MTOR: variants seen among roughly 807,000 people sequenced by gnomAD.
The protein encoded by MTOR is serine/threonine-protein kinase mTOR.
MTOR carries 70 observed loss-of-function variants against 319.8 expected under a neutral mutation model. The ratio of observed to expected loss-of-function variants is 0.22; its 90% CI spans 0.18 to 0.27. MTOR has a LOEUF of 0.27. Among genes scored for constraint, MTOR ranks in the 10% least tolerant of loss-of-function variants. MTOR has a pLI of 1.00. For synonymous variants in MTOR, 1,183 were observed against 1,211.4 expected (o/e 0.98, Z 0.49); for missense variants, 1,890 against 3,274.4 (o/e 0.58, Z 10.32).
intron 34 of MTOR, among the ~76,000 whole-genome samples, chr1:11,140,911 T>C (rs1240848315): frequency 2.0e-5 from 3 of 151,390 alleles, no homozygotes; most frequent in Non-Finnish European, 4.4e-5. Context: ...ATTTTTGAAG[T>C]GACATTGTTT....
At chr1:11,242,861 A>G (rs1375616325) in intron 9 of MTOR, among the ~76,000 whole-genome samples, 1 of 152,254 alleles carries the variant, frequency 6.6e-6, no homozygotes, top group East Asian at 1.9e-4. Flanking sequence ...TTCCCAGTAA[A>G]TAATAACACT....
At chr1:11,254,031 C>T (rs1650041447) in intron 5 of MTOR, 58 bp from the exon 6 acceptor site, 2 of 1,606,402 alleles carry the variant, frequency 1.2e-6, no homozygotes, top group South Asian at 1.1e-5. Flanking sequence ...AGAAAGAATA[C>T]AGGCCCATCC....
chr1:11,193,631 C>T (rs143435072), intron 28 of MTOR: 457 of 1,612,464 alleles, frequency 2.8e-4, no homozygotes, highest in Non-Finnish European at 3.6e-4. Context: ...CATCCAGAGA[C>T]GAAAAAGTGG....
intron 4 of MTOR, 89 bp downstream of exon 4, chr1:11,256,844 A>G (rs1347022594): frequency 2.3e-6 from 3 of 1,300,264 alleles, no homozygotes; most frequent in African/African-American, 2.9e-5. Context: ...CAGCTTTTTT[A>G]AGGAATGAGC....
In MTOR at chr1:11,121,842, T is replaced by G; in HGVS notation, c.6810+137A>C. The G allele has an allele frequency of 8.4e-7, 1 of 1,193,040 alleles. No homozygotes were observed. Among genetic ancestry groups the G allele is most frequent in the Non-Finnish European group, 1.2e-6 (1 of 862,304 alleles). 73.9% of individuals were successfully genotyped at this position (1,193,040 alleles called of 1,614,324 possible). On this transcript the variant is annotated intron_variant, in intron 48 of 57. Transcript: ENST00000361445. This position sits in a 1 kb window ranked among gnomAD's most constrained non-coding sequence, Gnocchi z 4.9. Reference sequence around the variant, plus strand: ...AAGCTTATCTGCTTTAGGACTCACTTTATTAAACCTTCTTCAAAGCTGATT... The same window carrying G: ...AAGCTTATCTGCTTTAGGACTCACTGTATTAAACCTTCTTCAAAGCTGATT...
intron 31 of MTOR, among the ~76,000 whole-genome samples, chr1:11,148,301 A>G (rs1644005536): frequency 6.6e-6 from 1 of 152,170 alleles, no homozygotes; most frequent in African/African-American, 2.4e-5. Context: ...CATTTATAAG[A>G]GAGGAAAATA....
intron 23 of MTOR, among the ~76,000 whole-genome samples, chr1:11,211,134 G>GC: frequency 6.6e-6 from 1 of 152,118 alleles, no homozygotes; most frequent in Non-Finnish European, 1.5e-5. Context: ...TTCTGCCCTT[G>GC]CCCCCGCAGC....
chr1:11,134,107 G>A (rs1485570493), intron 37 of MTOR, among the ~76,000 whole-genome samples: 1 of 152,094 alleles, frequency 6.6e-6, no homozygotes, highest in Non-Finnish European at 1.5e-5. Flanking sequence ...TGAAAACAAG[G>A]ACTCTAAAAC....
At chr1:11,219,979 AC>A in intron 19 of MTOR, among the ~76,000 whole-genome samples, 1 of 149,956 alleles carries the variant, frequency 6.7e-6, no homozygotes, top group South Asian at 2.1e-4. Context: ...GTTGCAGTTA[AC>A]CGAGATCGTA....
intron 28 of MTOR, among the ~76,000 whole-genome samples, chr1:11,168,835 T>C (rs973489546): frequency 2.0e-5 from 3 of 152,178 alleles, no homozygotes; most frequent in Non-Finnish European, 2.9e-5. Flanking sequence ...TAGGAACTTA[T>C]GCAACTAAGC....
In MTOR at chr1:11,238,927, T is replaced by TC. The variant is rs1647593701; in HGVS notation, c.1787-311_1787-310insG. Among the ~76,000 whole-genome samples the TC allele has an allele frequency of 4.8e-5, 5 of 103,204 alleles. 1 individual carries two copies. In the South Asian group the frequency reaches 2.1e-3, roughly 43 times the overall value. 67.7% of individuals were successfully genotyped at this position (103,204 alleles called of 152,430 possible). On this transcript the variant is annotated intron_variant, in intron 11 of 57. Coordinates refer to ENST00000361445, the MANE Select transcript of MTOR (RefSeq NM_004958.4). Reference sequence around the variant, plus strand: ...ACAGGTGCCTACCACCACGCCTGGCTAATTTTTTTTTTTTTTTTTGGTATT... The same window carrying TC: ...ACAGGTGCCTACCACCACGCCTGGCTCAATTTTTTTTTTTTTTTTTGGTATT...
chr1:11,173,444 A>T (rs867879047), intron 28 of MTOR, among the ~76,000 whole-genome samples: 37 of 144,186 alleles, frequency 2.6e-4, no homozygotes, highest in African/African-American at 4.6e-4. Flanking sequence ...ACACATTATT[A>T]TTTTTTTTTT....
At chr1:11,229,128 A>G (rs974582381) in intron 18 of MTOR, among the ~76,000 whole-genome samples, 3 of 152,174 alleles carry the variant, frequency 2.0e-5, no homozygotes, top group Non-Finnish European at 2.9e-5. Flanking sequence ...TGGCTTTTCT[A>G]TTACTCAAAC....
intron 28 of MTOR, among the ~76,000 whole-genome samples, chr1:11,171,958 C>T (rs1644827357): frequency 6.6e-6 from 1 of 150,898 alleles, no homozygotes; most frequent in South Asian, 2.1e-4. Flanking sequence ...TCACTTGAAC[C>T]TGGGAAGGTT....
Position 11,231,063 on chromosome 1 carries a change from G to T in MTOR, c.2650-9C>A, listed in dbSNP as rs991254524. 2 of 1,614,124 alleles carry T rather than the reference G, an allele frequency of 1.2e-6. No individual in the cohort carries two copies. The highest frequency in any genetic ancestry group is 1.3e-5 in the African/African-American group (1 of 75,016). ...CCTAACACACGGATGGCCTGCGTGG[G>T]AAAGGGGAGGGAAAAAAGAAAACAT... On this transcript the variant is annotated splice_polypyrimidine_tract_variant and intron_variant, in intron 17 of 57. Transcript: ENST00000361445.
At chr1:11,184,755 A>T (rs1314825670) in intron 28 of MTOR, among the ~76,000 whole-genome samples, 1 of 152,174 alleles carries the variant, frequency 6.6e-6, no homozygotes, top group African/African-American at 2.4e-5. Context: ...AAAATAAAAA[A>T]AAATTGTTTG....
chr1:11,221,196 T>C (rs1646649192), intron 19 of MTOR, among the ~76,000 whole-genome samples: 1 of 152,090 alleles, frequency 6.6e-6, no homozygotes, highest in Non-Finnish European at 1.5e-5. Flanking sequence ...GGTTTCGTCA[T>C]GTTGGCCAGG....
intron 30 of MTOR, chr1:11,152,504 C>T (rs1255503290): frequency 6.6e-6 from 1 of 152,016 alleles, no homozygotes; most frequent in African/African-American, 2.4e-5. Flanking sequence ...TATGATCTCA[C>T]TCCCGAGGAA....
intron 9 of MTOR, among the ~76,000 whole-genome samples, chr1:11,242,500 CAAAA>C (rs70977555): frequency 3.8e-5 from 2 of 52,632 alleles, no homozygotes; most frequent in East Asian, 6.7e-4. Flanking sequence ...GACTCCATCT[CAAAA>C]AAAAAAAAAA....
Sources: allele counts gnomAD v4.1 joint callset (sites outside exome capture counted in the v4.1 genomes callset), GRCh38; gene constraint gnomAD v4.1.1; non-coding constraint Gnocchi (gnomAD v3.1); transcripts MANE v1.5; gene names NCBI Gene and HGNC (gene_info 2026-07-23, HGNC 2026-07-21).